The following ERBB2 variants were observed in gnomAD, a reference collection of about 807,000 sequenced individuals.
The protein encoded by ERBB2 is erb-b2 receptor tyrosine kinase 2.
A neutral mutation model predicts 149.0 loss-of-function variants in ERBB2; 61 were observed. The observed-to-expected ratio is 0.41, with a 90% CI of 0.33 to 0.51. The LOEUF is 0.51. ERBB2 is among the 20% of genes least tolerant of loss of function. The probability of loss-of-function intolerance (pLI) is 0.25; values close to 1 mark genes in which losing one functional copy is unlikely to be tolerated. For synonymous variants in ERBB2, 633 were observed against 678.8 expected, an observed-to-expected ratio of 0.93 and a Z score of 1.05; for missense variants, 1,205 against 1,655.1, an observed-to-expected ratio of 0.73 and a Z score of 4.72.
At position 39,725,593 on chromosome 17, in the gene ERBB2, C is replaced by A; in HGVS notation, c.2726-114C>A. The A allele has an allele frequency of 2.3e-6, 3 of 1,291,776 alleles. No homozygotes were observed. Among genetic ancestry groups the A allele is most frequent in the Non-Finnish European group, 3.2e-6 (3 of 926,520 alleles). The allele number at this position is 1,291,776 out of a possible 1,614,324, so 80.0% of individuals were successfully genotyped here. On this transcript the variant is annotated intron_variant, in intron 22 of 26. Coordinates refer to ENST00000269571, the MANE Select transcript of ERBB2 (RefSeq NM_004448.4). This position sits in a 1 kb window ranked among gnomAD's most constrained non-coding sequence, Gnocchi z 4.6. ...AGACCGGGTAGGGTCTGTCTCCTGG[C>A]ATCACATCTCCCCCTGCTACCTGCC...
chr17:39,695,009 C>T (rs1306020813), exon 1 of ERBB2: 2 of 152,450 alleles, frequency 1.3e-5, no homozygotes, highest in Non-Finnish European at 2.9e-5. Context: ...AAGCTATATT[C>T]AAGACCACAT....
chr17:39,727,825 C>T lies in ERBB2; in HGVS notation c.3549C>T (p.Asp1183=), dbSNP rs767230649. ...CAGGGAAGAATGGGGTCGTCAAAGA[C>T]GTTTTTGCCTTTGGGGGTGCCGTGG... ...LSPGKNGVVK[D]VFAFGGAVEN... is the part of the protein sequence containing the mutation. The change falls in exon 27 of 27, where the codon GAC becomes GAT. Residue 1183 remains aspartate (D), a synonymous_variant. Transcript: ENST00000269571. This position sits in a 1 kb window ranked among gnomAD's most constrained non-coding sequence, Gnocchi z 4.3. 43 of 1,613,990 alleles carry T rather than the reference C, an allele frequency of 2.7e-5. No individual in the cohort carries two copies. In the East Asian group the frequency reaches 3.3e-4, roughly 13 times the overall value.
rs2059705008 is a variant in ERBB2 at position 39,725,515 on chromosome 17, G to A, written c.2725+113G>A. ...ACCTCAGCATGTGAAGGGAGGGAAG[G>A]GGCTGCCTGTGCCCCACCTTGCAGG... On this transcript the variant is annotated intron_variant, in intron 22 of 26. Coordinates refer to ENST00000269571, the MANE Select transcript of ERBB2 (RefSeq NM_004448.4). This position sits in a 1 kb window ranked among gnomAD's most constrained non-coding sequence, Gnocchi z 4.6. 3 of 1,276,736 alleles carry A rather than the reference G, an allele frequency of 2.3e-6. No homozygotes were observed. Among genetic ancestry groups the A allele is most frequent in the East Asian group, 2.4e-5 (1 of 42,334 alleles). 79.1% of individuals were successfully genotyped at this position (1,276,736 alleles called of 1,614,324 possible).
intron 8 of ERBB2, 50 bp from the exon 9 acceptor site, chr17:39,712,272 C>A (rs372663239): frequency 6.2e-7 from 1 of 1,610,912 alleles, no homozygotes; most frequent in South Asian, 1.1e-5. Context: ...TGACCTGTCC[C>A]GGTATGAAGG....
chr17:39,712,786 T>A (rs1357580904), intron 9 of ERBB2, among the ~76,000 whole-genome samples: 1 of 152,226 alleles, frequency 6.6e-6, no homozygotes, highest in Non-Finnish European at 1.5e-5. Flanking sequence ...CAAGTGGCAG[T>A]GTATCCATTT....
intron 9 of ERBB2, 93 bp from the exon 10 acceptor site, chr17:39,715,193 G>A (rs1468730133): frequency 2.0e-6 from 2 of 1,024,756 alleles, no homozygotes; most frequent in Admixed American, 1.9e-5. Context: ...TTGAGTGAAG[G>A]CATTCATGGT....
At chr17:39,689,680 C>T (rs529230535) in intron 2 of ERBB2, among the ~76,000 whole-genome samples, 21 of 151,972 alleles carry the variant, frequency 1.4e-4, no homozygotes, top group African/African-American at 4.3e-4. Context: ...CCGAGGCGGA[C>T]GGATCACCTG....
intron 19 of ERBB2, 47 bp from the exon 20 acceptor site, chr17:39,724,679 G>C (rs2145844360): frequency 1.3e-6 from 2 of 1,553,940 alleles, no homozygotes; most frequent in Middle Eastern, 3.5e-4. Context: ...TGTGGTGTTT[G>C]GGGGTGTGTG....
rs1215111650 is a variant in ERBB2, at chr17:39,723,785, C to G, written c.2208+125C>G. ...AGTGTTTGGGGGAGGGCAGTTACAG[C>G]GGAGAAGGGAGCGGGGCCAAGCCCT... is the stretch of plus-strand genomic sequence containing the variant. On this transcript the variant is annotated intron_variant, in intron 18 of 26. Coordinates refer to ENST00000269571, the MANE Select transcript of ERBB2 (RefSeq NM_004448.4). This position sits in a 1 kb window ranked among gnomAD's most constrained non-coding sequence, Gnocchi z 6.2. 6.7e-7 allele frequency: 1 copy of G among 1,495,098 alleles called. No individual in the cohort carries two copies. The highest frequency in any genetic ancestry group is 9.1e-7 in the Non-Finnish European group (1 of 1,099,148). 92.6% of individuals were successfully genotyped at this position (1,495,098 alleles called of 1,614,324 possible).
intron 7 of ERBB2, among the ~76,000 whole-genome samples, chr17:39,710,821 T>G (rs1487770662): frequency 6.6e-6 from 1 of 152,248 alleles, no homozygotes; most frequent in Non-Finnish European, 1.5e-5. Context: ...AAAGAGTTAA[T>G]ATTTGTAAAG....
chr17:39,702,512 A>G lies in ERBB2; in HGVS notation c.73+2201A>G, dbSNP rs186197170. The stretch of plus-strand genomic sequence containing the variant: ...AACTCCTTCATATTTTAATTCCAGT[A>G]TGATTCTTCCAACAGCCTCCTCTCT... On this transcript the variant is annotated intron_variant, in intron 1 of 26. Coordinates refer to ENST00000269571, the MANE Select transcript of ERBB2 (RefSeq NM_004448.4). 4.6e-5 allele frequency among the ~76,000 whole-genome samples: 7 copies of G among 152,354 alleles called. No homozygotes were observed. In the East Asian group the frequency reaches 1.2e-3, roughly 25 times the overall value.
Position 39,726,382 on chromosome 17 carries a change from TAGA to T in ERBB2, c.2873-176_2873-174del, listed in dbSNP as rs1365450749. ...AGAAAAAAAAAATTAAAAGGGAAAC[TAGA>T]AGAGATGCCAAAGGTTCTGGCTGAA... is the stretch of plus-strand genomic sequence containing the variant. On this transcript the variant is annotated intron_variant, in intron 23 of 26. Coordinates refer to ENST00000269571, the MANE Select transcript of ERBB2 (RefSeq NM_004448.4). The surrounding 1 kb of genome is among the most constrained non-coding windows in gnomAD (Gnocchi z 5.1). 1.7e-6 allele frequency: 1 copy of T among 600,226 alleles called. No homozygotes were observed. Among genetic ancestry groups the T allele is most frequent in the Non-Finnish European group, 3.0e-6 (1 of 335,592 alleles). The allele number at this position is 600,226 out of a possible 1,614,324, so 37.2% of individuals were successfully genotyped here.
upstream of ERBB2, chr17:39,699,503 A>G (rs1597849597): frequency 1.3e-6 from 2 of 1,509,850 alleles, no homozygotes; most frequent in East Asian, 2.5e-5. Context: ...TCTCCTCCCA[A>G]ATTTGTAGAC....
chr17:39,700,277 C>T lies in ERBB2; in HGVS notation c.39C>T (p.Leu13=), dbSNP rs921215139. ...CCTTGTGCCGCTGGGGGCTCCTCCTCGCCCTCTTGCCCCCCGGAGCCGCGA... is the reference window on the plus strand; with the variant it reads ...CCTTGTGCCGCTGGGGGCTCCTCCTTGCCCTCTTGCCCCCCGGAGCCGCGA... ...LAALCRWGLL[L]ALLPPGAAST... The change falls in exon 1 of 27, where the codon CTC becomes CTT. Residue 13 remains leucine, a synonymous_variant. Coordinates refer to ENST00000269571, the MANE Select transcript of ERBB2 (RefSeq NM_004448.4). The T allele has an allele frequency of 5.6e-6, 8 of 1,435,330 alleles. No individual in the cohort carries two copies. In the African/African-American group the frequency reaches 5.9e-5, roughly 11 times the overall value. 88.9% of individuals were successfully genotyped at this position (1,435,330 alleles called of 1,614,324 possible).
Position 39,716,426 on chromosome 17 carries a change from C to T in ERBB2, c.1639C>T (p.Leu547=), listed in dbSNP as rs1457341240. ...GGAGTGCGTGGAGGAATGCCGAGTA[C>T]TGCAGGGGTATGAGGGGCGGAGGAG... is the stretch of plus-strand genomic sequence containing the variant. The part of the protein sequence containing the change: ...GQECVEECRV[L]QGLPREYVNA... The change falls in exon 13 of 27, where the codon CTG becomes TTG. Residue 547 remains leucine, a synonymous_variant. Transcript: ENST00000269571. 6.2e-7 allele frequency: 1 copy of T among 1,611,512 alleles called. No homozygotes were observed. The highest frequency in any genetic ancestry group is 8.5e-7 in the Non-Finnish European group (1 of 1,177,998).
In ERBB2 at chr17:39,710,180, C is replaced by T. The variant is rs1273399733; in HGVS notation, c.738C>T (p.Gly246=). Residue 246 remains glycine, a synonymous_variant, in exon 6 of 27, where the codon GGC becomes GGT. Transcript: ENST00000269571. ...AGCAGTGTGCTGCCGGCTGCACGGGCCCCAAGCACTCTGACTGCCTGGTAT... is the reference window on the plus strand; with the variant it reads ...AGCAGTGTGCTGCCGGCTGCACGGGTCCCAAGCACTCTGACTGCCTGGTAT... ...CHEQCAAGCT[G]PKHSDCLACL... is the part of the protein sequence containing the mutation. 1 of 1,612,782 alleles carries T rather than the reference C, an allele frequency of 6.2e-7. No homozygotes were observed. Among genetic ancestry groups the T allele is most frequent in the Non-Finnish European group, 8.5e-7 (1 of 1,179,638 alleles).
chr17:39,691,938 T>TAC (rs1428166298), upstream of ERBB2, among the ~76,000 whole-genome samples: 583 of 139,148 alleles, frequency 4.2e-3, 2 homozygotes, highest in South Asian at 7.3e-3. Context: ...CATATACATA[T>TAC]ATATATATAT....
chr17:39,698,254 G>T (rs2934971), upstream of ERBB2, among the ~76,000 whole-genome samples: 99,864 of 151,310 alleles, frequency 0.66, 33,272 homozygotes, highest in South Asian at 0.73. Flanking sequence ...ATGGAATAGA[G>T]TCAAGATTTT....
exon 1 of ERBB2, chr17:39,688,263 CATGATCTTTT>C (rs1249077843): frequency 2.4e-5 from 9 of 377,296 alleles, no homozygotes; most frequent in East Asian, 1.5e-4. Context: ...AAGTGTTTTC[CATGATCTTTT>C]TTGAGGTAGG....
Sources: gnomAD v4.1 joint callset for allele counts (sites outside exome capture counted in the v4.1 genomes callset) on GRCh38, gnomAD v4.1.1 for gene constraint, Gnocchi (gnomAD v3.1) non-coding constraint, MANE v1.5 for transcripts, NCBI Gene and HGNC (gene_info 2026-07-23, HGNC 2026-07-21) for gene names.